The following CTPS2 variants were observed in gnomAD, a reference collection of about 807,000 sequenced individuals.
CTPS2 encodes the protein CTP synthase 2, also known as CTP synthase II.
Under a neutral mutation model 46.8 loss-of-function variants are expected in CTPS2, and 19 were observed. That is an observed-to-expected ratio of 0.41 (90% CI 0.28 to 0.60). The LOEUF (loss-of-function observed/expected upper bound fraction) is 0.60. Ranked by LOEUF, CTPS2 falls within the 20% of genes least tolerant of loss-of-function variation. The pLI is 0.35. For synonymous variants in CTPS2, 151 were observed against 165.2 expected, an observed-to-expected ratio of 0.91 and a Z score of 0.66; for missense variants, 286 against 447.6, an observed-to-expected ratio of 0.64 and a Z score of 3.26.
chrX:16,595,843 C>T (rs1929213921), intron 17 of CTPS2, among the ~76,000 whole-genome samples: 1 of 111,261 alleles, frequency 9.0e-6, no homozygotes, highest in Admixed American at 9.5e-5. Flanking sequence ...AAACTACAGT[C>T]ACCATGCAAT....
chrX:16,692,945 T>C (rs1033397687), intron 6 of CTPS2, among the ~76,000 whole-genome samples, 196 bp downstream of exon 6: 3 of 108,454 alleles, frequency 2.8e-5, no homozygotes, highest in Non-Finnish European at 5.7e-5. Flanking sequence ...GTAGTCCAGA[T>C]ACTCTGGAGG....
intron 13 of CTPS2, among the ~76,000 whole-genome samples, chrX:16,652,021 G>C (rs1932668576): frequency 9.1e-6 from 1 of 109,591 alleles, no homozygotes; most frequent in Non-Finnish European, 1.9e-5. Flanking sequence ...AGCAGGATGG[G>C]GGGGGCCAGT....
intron 14 of CTPS2, chrX:16,638,501 C>T (rs1301300215): frequency 7.4e-6 from 1 of 134,571 alleles, no homozygotes; most frequent in Admixed American, 8.5e-5. Context: ...ACTCAAGATA[C>T]ATTTATTAAA....
At chrX:16,593,316 C>G (rs1330479367) in intron 17 of CTPS2, among the ~76,000 whole-genome samples, 1 of 107,411 alleles carries the variant, frequency 9.3e-6, no homozygotes, top group African/African-American at 3.4e-5. Context: ...GTAGTCCCAG[C>G]TACTCGGGAG....
intron 14 of CTPS2, among the ~76,000 whole-genome samples, chrX:16,638,241 C>A (rs1422214515): frequency 1.0e-5 from 1 of 99,009 alleles, no homozygotes; most frequent in Admixed American, 1.2e-4. Context: ...GGTGACAGAG[C>A]GAGACTCTGT....
intron 16 of CTPS2, among the ~76,000 whole-genome samples, chrX:16,614,395 G>C: frequency 8.9e-6 from 1 of 112,717 alleles, no homozygotes; most frequent in East Asian, 2.8e-4. Context: ...AATAAGTTGA[G>C]ATGGAAGTGG....
intron 13 of CTPS2, among the ~76,000 whole-genome samples, chrX:16,659,592 A>C (rs949324356): frequency 2.8e-5 from 3 of 107,428 alleles, no homozygotes; most frequent in African/African-American, 1.0e-4. Context: ...AAGGTCACAA[A>C]GGGAGTAAGA....
intron 9 of CTPS2, among the ~76,000 whole-genome samples, chrX:16,680,067 C>T (rs1376098011): frequency 9.0e-6 from 1 of 111,132 alleles, no homozygotes; most frequent in Non-Finnish European, 1.9e-5. Context: ...GCCCGGAAGC[C>T]GCTGCAGCTG....
At chrX:16,678,732 T>A (rs1403017078) in intron 9 of CTPS2, among the ~76,000 whole-genome samples, 1 of 109,772 alleles carries the variant, frequency 9.1e-6, no homozygotes, top group African/African-American at 3.3e-5. Context: ...CCGCGTGGGG[T>A]GGCACGTGCC....
intron 17 of CTPS2, among the ~76,000 whole-genome samples, chrX:16,596,933 T>C (rs1259507189): frequency 5.7e-5 from 6 of 105,954 alleles, no homozygotes; most frequent in Non-Finnish European, 1.2e-4. Flanking sequence ...TTTGCATTTC[T>C]CTGATGGCCA....
intron 16 of CTPS2, among the ~76,000 whole-genome samples, chrX:16,613,691 G>A (rs754950364): frequency 1.8e-5 from 2 of 109,612 alleles, no homozygotes; most frequent in Admixed American, 2.0e-4. Flanking sequence ...AACTTCCCAG[G>A]CTCAACCTCC....
intron 17 of CTPS2, among the ~76,000 whole-genome samples, chrX:16,607,837 C>T (rs780534536): frequency 9.7e-5 from 11 of 112,897 alleles, no homozygotes; most frequent in African/African-American, 3.2e-4. Flanking sequence ...ATGGTTGCTT[C>T]TGCTTTTCAA....
intron 17 of CTPS2, among the ~76,000 whole-genome samples, chrX:16,600,397 T>G (rs1345651748): frequency 8.9e-6 from 1 of 112,152 alleles, no homozygotes; most frequent in African/African-American, 3.2e-5. Flanking sequence ...CAGATTGTCA[T>G]GAACACAGTT....
chrX:16,709,231 C>T (rs1200999900), intron 1 of CTPS2, among the ~76,000 whole-genome samples: 1 of 109,346 alleles, frequency 9.1e-6, no homozygotes, highest in Non-Finnish European at 1.9e-5. Flanking sequence ...AGTTCGAGAC[C>T]AGCCTGGGCA....
intron 16 of CTPS2, among the ~76,000 whole-genome samples, chrX:16,615,580 C>T (rs970937917): frequency 3.6e-5 from 4 of 111,140 alleles, no homozygotes; most frequent in Non-Finnish European, 7.5e-5. Flanking sequence ...CAGATGAGTC[C>T]TGCTCTAGAC....
chrX:16,653,711 G>A (rs377340121), intron 13 of CTPS2, among the ~76,000 whole-genome samples: 28 of 112,341 alleles, frequency 2.5e-4, no homozygotes, highest in Non-Finnish European at 4.9e-4. Context: ...GTGTGATTCT[G>A]ATGCATGCTA....
At chrX:16,604,133 G>A (rs1482965677) in intron 17 of CTPS2, among the ~76,000 whole-genome samples, 1 of 111,547 alleles carries the variant, frequency 9.0e-6, no homozygotes, top group African/African-American at 3.3e-5. Context: ...TTTGTACCAC[G>A]CTGCTTCCTG....
chrX:16,703,229 G>A (rs1924720205), intron 1 of CTPS2, among the ~76,000 whole-genome samples: 1 of 109,671 alleles, frequency 9.1e-6, no homozygotes, highest in Admixed American at 9.9e-5. Flanking sequence ...GTTTCACCAT[G>A]TTGCCCACGC....
At chrX:16,605,063 C>T (rs1283698405) in intron 17 of CTPS2, among the ~76,000 whole-genome samples, 4 of 112,083 alleles carry the variant, frequency 3.6e-5, no homozygotes, top group Non-Finnish European at 7.5e-5. Flanking sequence ...ACATGGCTTT[C>T]GGAATGTGTG....
Sources: allele counts gnomAD v4.1 joint callset (sites outside exome capture counted in the v4.1 genomes callset), GRCh38; gene constraint gnomAD v4.1.1; transcripts MANE v1.5; gene names NCBI Gene and HGNC (gene_info 2026-07-23, HGNC 2026-07-21).